Variants in CAPRIN2 observed in about 807,000 individuals in gnomAD.
CAPRIN2 encodes caprin family member 2.
In CAPRIN2, 66 loss-of-function variants were observed where a neutral mutation model predicts 130.4. The observed-to-expected ratio is 0.51, with a 90% CI of 0.42 to 0.62. The LOEUF (loss-of-function observed/expected upper bound fraction) is 0.62. Ranked by LOEUF, CAPRIN2 falls within the 20% of genes least tolerant of loss-of-function variation. The probability of loss-of-function intolerance (pLI) is 0.00; values close to 1 mark genes in which losing one functional copy is unlikely to be tolerated. For missense variants in CAPRIN2, 1,185 were observed against 1,246.6 expected (o/e 0.95, Z 0.74); for synonymous variants, 471 against 444.1 (o/e 1.06, Z -0.76).
intron 7 of CAPRIN2, among the ~76,000 whole-genome samples, chr12:30,729,913 A>G (rs569735760): frequency 6.6e-6 from 1 of 152,338 alleles, no homozygotes; most frequent in Non-Finnish European, 1.5e-5. Flanking sequence ...TGCGCATCTT[A>G]AAGTTCCTCT....
intron 12 of CAPRIN2, 125 bp from the exon 15 acceptor site, chr12:30,716,801 T>A: frequency 1.4e-6 from 1 of 727,752 alleles, no homozygotes; most frequent in South Asian, 1.9e-5. Flanking sequence ...AATAGACATC[T>A]CTCCAAAGAA....
intron 10 of CAPRIN2, among the ~76,000 whole-genome samples, 183 bp downstream of exon 11, chr12:30,724,187 T>C (rs2060222802): frequency 1.3e-5 from 2 of 152,232 alleles, no homozygotes. Context: ...ACAAGTCAGT[T>C]AAGTACACTA....
At chr12:30,731,215 G>T in intron 6 of CAPRIN2, 128 bp downstream of exon 7, 1 of 606,208 alleles carries the variant, frequency 1.6e-6, no homozygotes, top group Non-Finnish European at 2.8e-6. Context: ...TTATCCTGTG[G>T]TAAGTAAAGA....
At chr12:30,719,093 G>T in intron 12 of CAPRIN2, 1 of 1,613,766 alleles carries the variant, frequency 6.2e-7, no homozygotes, top group Non-Finnish European at 8.5e-7. Flanking sequence ...TGCATGGCTT[G>T]AAAGGGTGCT....
chr12:30,712,069 AT>A (rs900917816), intron 15 of CAPRIN2, among the ~76,000 whole-genome samples: 15 of 151,560 alleles, frequency 9.9e-5, no homozygotes, highest in African/African-American at 2.9e-4. Flanking sequence ...GGGTTTGGGA[AT>A]TTTTTTTTAA....
intron 8 of CAPRIN2, among the ~76,000 whole-genome samples, chr12:30,726,893 T>TA (rs754838479): frequency 6.6e-6 from 1 of 152,156 alleles, no homozygotes; most frequent in South Asian, 2.1e-4. Flanking sequence ...TGACTGTACT[T>TA]AGTCAATATT....
intron 13 of CAPRIN2, chr12:30,715,622 T>C (rs2057291370): frequency 2.9e-6 from 1 of 343,700 alleles, no homozygotes; most frequent in African/African-American, 2.2e-5. Flanking sequence ...TGGTTGTACT[T>C]AATGCCACAG....
intron 12 of CAPRIN2, 101 bp downstream of exon 14, chr12:30,718,978 A>G: frequency 7.3e-7 from 1 of 1,365,658 alleles, no homozygotes; most frequent in Non-Finnish European, 9.8e-7. Context: ...AAATTTTACA[A>G]AAGGCAAACT....
intron 2 of CAPRIN2, among the ~76,000 whole-genome samples, chr12:30,742,530 T>C (rs2067970059): frequency 6.6e-6 from 1 of 152,110 alleles, no homozygotes; most frequent in Non-Finnish European, 1.5e-5. Flanking sequence ...CATCCATCTA[T>C]TCAGACACTA....
At chr12:30,719,202 T>C (rs1252705288) in intron 12 of CAPRIN2, 4 of 1,613,900 alleles carry the variant, frequency 2.5e-6, no homozygotes, top group Non-Finnish European at 3.4e-6. Context: ...GTGAAGACGG[T>C]TGCTTGCCTG....
At chr12:30,753,095 A>G (rs2074782586) in intron 1 of CAPRIN2, among the ~76,000 whole-genome samples, 1 of 152,278 alleles carries the variant, frequency 6.6e-6, no homozygotes, top group African/African-American at 2.4e-5. Flanking sequence ...CACCTAAAAT[A>G]GCTAGCTCTT....
At chr12:30,734,812 A>G in intron 4 of CAPRIN2, 156 bp downstream of exon 5, 1 of 625,790 alleles carries the variant, frequency 1.6e-6, no homozygotes, top group South Asian at 2.0e-5. Context: ...ATATTGAATC[A>G]AATTAATACT....
chr12:30,733,036 A>G (rs1039366670), intron 5 of CAPRIN2, among the ~76,000 whole-genome samples: 3 of 152,112 alleles, frequency 2.0e-5, no homozygotes, highest in Non-Finnish European at 2.9e-5. Context: ...TTTTAAAAGG[A>G]AGCAATCACT....
chr12:30,711,091 T>C (rs2054305277), intron 16 of CAPRIN2, among the ~76,000 whole-genome samples: 2 of 152,218 alleles, frequency 1.3e-5, no homozygotes, highest in African/African-American at 2.4e-5. Context: ...TACTCTTCAG[T>C]GATTTTTCTT....
Position 30,746,886 on chromosome 12 carries a change from T to G in CAPRIN2, c.483+4185A>C, listed in dbSNP as rs533879986. On this transcript the variant is annotated intron_variant, in intron 2 of 16. Transcript: ENST00000298892. ...GTCTAGCTAAGATAATTGATGGAGCTGGCTACACTAAACAACAGATTTTCA... is the reference window on the plus strand; with the variant it reads ...GTCTAGCTAAGATAATTGATGGAGCGGGCTACACTAAACAACAGATTTTCA... Among the ~76,000 whole-genome samples, 11 of 152,358 alleles carry G rather than the reference T, an allele frequency of 7.2e-5. No homozygotes were observed. In the East Asian group the frequency reaches 2.1e-3, roughly 29 times the overall value.
chr12:30,753,164 T>C (rs1401585517), intron 1 of CAPRIN2, among the ~76,000 whole-genome samples, 180 bp downstream of exon 2: 1 of 152,242 alleles, frequency 6.6e-6, no homozygotes, highest in African/African-American at 2.4e-5. Flanking sequence ...TATTCCGTTG[T>C]TTTGACAAAT....
chr12:30,751,335 TG>T, intron 1 of CAPRIN2: 3 of 565,148 alleles, frequency 5.3e-6, no homozygotes, highest in South Asian at 4.2e-5. Context: ...CACATGAGTC[TG>T]GAATTACAAA....
At chr12:30,719,041 A>C in intron 12 of CAPRIN2, 38 bp downstream of exon 14, 1 of 1,589,408 alleles carries the variant, frequency 6.3e-7, no homozygotes, top group Non-Finnish European at 8.6e-7. Flanking sequence ...TTTAACAGGA[A>C]TAATGAACTG....
At chr12:30,735,027 T>A (rs1389146851) in exon 4 of CAPRIN2, 16 of 1,614,056 alleles carry the variant, frequency 9.9e-6, no homozygotes, top group Non-Finnish European at 1.4e-5. Flanking sequence ...GGTAGTCAAG[T>A]TCTTTTGAAG....
Sources: gnomAD v4.1 joint callset for allele counts (sites outside exome capture counted in the v4.1 genomes callset) on GRCh38, gnomAD v4.1.1 for gene constraint, MANE v1.5 for transcripts, NCBI Gene and HGNC (gene_info 2026-07-23, HGNC 2026-07-21) for gene names.